MAP2: variants seen among roughly 807,000 people sequenced by gnomAD.
MAP2 encodes the protein microtubule-associated protein 2.
A neutral mutation model predicts 137.6 loss-of-function variants in MAP2; 14 were observed. The observed-to-expected ratio is 0.10, with a 90% CI of 0.07 to 0.16. The LOEUF (loss-of-function observed/expected upper bound fraction) is 0.16, where lower values mean the gene tolerates loss of function less well. MAP2 is among the 10% of genes least tolerant of loss of function. The pLI is 1.00. For missense variants in MAP2, 2,088 were observed against 2,191.5 expected (o/e 0.95, Z 0.94); for synonymous variants, 786 against 782.3 (o/e 1.00, Z -0.08).
chr2:209,540,097 T>TAAAAAAAAA (rs35280709), intron 2 of MAP2, among the ~76,000 whole-genome samples: 2 of 39,524 alleles, frequency 5.1e-5, no homozygotes, highest in East Asian at 8.4e-4. Flanking sequence ...GGAGACGTTG[T>TAAAAAAAAA]AAAAAAAAAA....
chr2:209,660,541 C>A lies in MAP2; in HGVS notation c.262+7109C>A, dbSNP rs1582634435. 4.1e-5 allele frequency among the ~76,000 whole-genome samples: 6 copies of A among 148,094 alleles called. No individual in the cohort carries two copies. The South Asian group carries it at 1.3e-3, about 32-fold the overall frequency. On this transcript the variant is annotated intron_variant, in intron 5 of 15. Coordinates refer to ENST00000682079, the MANE Select transcript of MAP2 (RefSeq NM_001375505.1). ...CCCAATAGCTGGGACTACAGGCGCC[C>A]GCCACCAAGCCCGGCTAATTTTTTT...
At chr2:209,454,176 A>AG (rs752495401) in intron 1 of MAP2, among the ~76,000 whole-genome samples, 1 of 132,322 alleles carries the variant, frequency 7.6e-6, no homozygotes, top group Non-Finnish European at 1.6e-5. Flanking sequence ...AAAAAAAAAA[A>AG]GTAGAGGACA....
At chr2:209,660,256 G>A (rs1449410301) in intron 5 of MAP2, among the ~76,000 whole-genome samples, 5 of 151,874 alleles carry the variant, frequency 3.3e-5, no homozygotes, top group Non-Finnish European at 5.9e-5. Context: ...CAGGCTTTGC[G>A]TTGTCACTTT....
chr2:209,426,985 A>G (rs1692728366), intron 1 of MAP2, among the ~76,000 whole-genome samples: 2 of 152,218 alleles, frequency 1.3e-5, no homozygotes, highest in South Asian at 2.1e-4. Context: ...CAGTTAGACA[A>G]CAGACTGGAC....
At chr2:209,430,722 T>C (rs1694022464) in intron 1 of MAP2, among the ~76,000 whole-genome samples, 1 of 152,180 alleles carries the variant, frequency 6.6e-6, no homozygotes, top group Non-Finnish European at 1.5e-5. Flanking sequence ...ATGTATCTTT[T>C]AAGAAGTTCA....
chr2:209,553,168 C>A (rs189414999), intron 2 of MAP2, among the ~76,000 whole-genome samples: 3 of 151,820 alleles, frequency 2.0e-5, no homozygotes, highest in Admixed American at 6.6e-5. Flanking sequence ...CCCACCACCA[C>A]GCCCGGCTAA....
intron 1 of MAP2, among the ~76,000 whole-genome samples, chr2:209,502,274 A>G (rs1460887370): frequency 6.6e-6 from 1 of 152,158 alleles, no homozygotes; most frequent in Admixed American, 6.5e-5. Context: ...ACCTCCAGAT[A>G]ACCACCATTC....
chr2:209,646,078 A>G (rs936398960), intron 4 of MAP2, among the ~76,000 whole-genome samples: 1 of 152,076 alleles, frequency 6.6e-6, no homozygotes, highest in Non-Finnish European at 1.5e-5. Context: ...CCAGCTACTT[A>G]AGAGGCTGCT....
intron 14 of MAP2, among the ~76,000 whole-genome samples, chr2:209,726,046 C>G (rs1391039400): frequency 8.5e-5 from 13 of 152,142 alleles, no homozygotes; most frequent in Non-Finnish European, 1.5e-4. Flanking sequence ...TCTTTATGTA[C>G]TCAACACGCT....
At chr2:209,600,660 C>G (rs904542166) in intron 3 of MAP2, among the ~76,000 whole-genome samples, 1 of 152,156 alleles carries the variant, frequency 6.6e-6, no homozygotes, top group African/African-American at 2.4e-5. Flanking sequence ...TAGATGTTAT[C>G]TTTTGTAAGA....
At chr2:209,701,373 A>G (rs2061705430) in intron 11 of MAP2, among the ~76,000 whole-genome samples, 1 of 151,668 alleles carries the variant, frequency 6.6e-6, no homozygotes, top group Admixed American at 6.6e-5. Context: ...TTTTATTTTT[A>G]TATTATTAAC....
chr2:209,572,127 T>C (rs1452687916), intron 2 of MAP2, among the ~76,000 whole-genome samples: 1 of 152,030 alleles, frequency 6.6e-6, no homozygotes, highest in African/African-American at 2.4e-5. Context: ...CTAAATGAAA[T>C]AGTCAAGCTA....
intron 4 of MAP2, among the ~76,000 whole-genome samples, chr2:209,642,603 C>T (rs1462834796): frequency 6.6e-6 from 1 of 151,972 alleles, no homozygotes; most frequent in East Asian, 1.9e-4. Flanking sequence ...TGTTATGCAC[C>T]CACCAGCTCT....
intron 3 of MAP2, among the ~76,000 whole-genome samples, chr2:209,617,132 C>G (rs572398705): frequency 1.3e-5 from 2 of 152,062 alleles, no homozygotes; most frequent in Admixed American, 1.3e-4. Flanking sequence ...AAAGAGGGCT[C>G]TGGTTTCTAT....
chr2:209,676,442 G>A (rs759760275), intron 5 of MAP2, among the ~76,000 whole-genome samples: 8 of 151,594 alleles, frequency 5.3e-5, no homozygotes, highest in Non-Finnish European at 7.4e-5. Context: ...TGGGCACTAG[G>A]CTTAATACCT....
chr2:209,591,575 C>T (rs1011413558), intron 3 of MAP2, among the ~76,000 whole-genome samples: 1 of 152,146 alleles, frequency 6.6e-6, no homozygotes, highest in African/African-American at 2.4e-5. Flanking sequence ...GTAACACCTA[C>T]TTATGGTAAA....
chr2:209,438,180 T>C (rs1696829828), intron 1 of MAP2, among the ~76,000 whole-genome samples: 2 of 151,676 alleles, frequency 1.3e-5, no homozygotes, highest in South Asian at 2.1e-4. Context: ...TCAATTTTAT[T>C]TTCCCATGGC....
At chr2:209,713,511 T>A (rs1279057724) in intron 13 of MAP2, among the ~76,000 whole-genome samples, 1 of 152,206 alleles carries the variant, frequency 6.6e-6, no homozygotes, top group East Asian at 1.9e-4. Flanking sequence ...TTGGAAAGAA[T>A]ATGGGCAATC....
intron 4 of MAP2, among the ~76,000 whole-genome samples, chr2:209,644,184 T>C (rs1351987181): frequency 6.6e-6 from 1 of 152,222 alleles, no homozygotes; most frequent in Non-Finnish European, 1.5e-5. Flanking sequence ...CAAAGATCAC[T>C]TCAGTTTTAT....
Sources: gnomAD v4.1 joint callset for allele counts (sites outside exome capture counted in the v4.1 genomes callset) on GRCh38, gnomAD v4.1.1 for gene constraint, MANE v1.5 for transcripts, NCBI Gene and HGNC (gene_info 2026-07-23, HGNC 2026-07-21) for gene names.